CSMD1: variants seen among roughly 807,000 people sequenced by gnomAD.
CSMD1 encodes the protein CUB and sushi domain-containing protein 1.
CSMD1 carries 213 observed loss-of-function variants against 417.5 expected under a neutral mutation model. The ratio of observed to expected loss-of-function variants is 0.51; its 90% CI spans 0.46 to 0.57. The LOEUF (loss-of-function observed/expected upper bound fraction) is 0.57. CSMD1 is among the 20% of genes least tolerant of loss of function. The pLI is 0.00. For synonymous variants in CSMD1, 2,862 were observed against 1,736.8 expected, an observed-to-expected ratio of 1.65 and a Z score of -16.11; for missense variants, 6,923 against 4,529.7, an observed-to-expected ratio of 1.53 and a Z score of -15.17.
chr8:3,904,956 T>C (rs940117979), intron 5 of CSMD1, among the ~76,000 whole-genome samples: 7 of 152,106 alleles, frequency 4.6e-5, no homozygotes, highest in African/African-American at 1.7e-4. Flanking sequence ...GTATTTTCCT[T>C]ATCTGACATT....
intron 3 of CSMD1, among the ~76,000 whole-genome samples, chr8:4,188,242 A>C (rs1212905772): frequency 6.6e-6 from 1 of 152,116 alleles, no homozygotes; most frequent in African/African-American, 2.4e-5. Flanking sequence ...AGGACCCAGA[A>C]AACAGCGCAC....
chr8:4,917,565 C>T (rs572267522), intron 1 of CSMD1, among the ~76,000 whole-genome samples: 23 of 152,078 alleles, frequency 1.5e-4, no homozygotes, highest in Admixed American at 1.2e-3. Flanking sequence ...ACCCAGGAAG[C>T]GGAGGTTGCA....
chr8:4,055,525 TTAA>T (rs1331942113), intron 3 of CSMD1, among the ~76,000 whole-genome samples: 4 of 140,920 alleles, frequency 2.8e-5, no homozygotes, highest in African/African-American at 1.2e-4. Flanking sequence ...CAGCTCAAAT[TTAA>T]TAATGTCAAG....
chr8:3,720,732 A>G (rs112138719), intron 6 of CSMD1, among the ~76,000 whole-genome samples: 1 of 152,054 alleles, frequency 6.6e-6, no homozygotes, highest in Non-Finnish European at 1.5e-5. Flanking sequence ...AAGCCCTGGG[A>G]GATTCATTTT....
intron 5 of CSMD1, among the ~76,000 whole-genome samples, chr8:3,990,031 TGA>T (rs1388123737): frequency 6.6e-6 from 1 of 152,168 alleles, no homozygotes; most frequent in Non-Finnish European, 1.5e-5. Flanking sequence ...GAGGAATAAA[TGA>T]GAGTTAAGCA....
At chr8:3,158,620 T>G (rs1819683959) in intron 38 of CSMD1, among the ~76,000 whole-genome samples, 2 of 151,798 alleles carry the variant, frequency 1.3e-5, no homozygotes, top group South Asian at 4.2e-4. Context: ...TTAAAAAATC[T>G]GTTCCAGTCT....
At chr8:3,789,552 A>C (rs1250652871) in intron 5 of CSMD1, among the ~76,000 whole-genome samples, 1 of 151,326 alleles carries the variant, frequency 6.6e-6, no homozygotes, top group African/African-American at 2.4e-5. Context: ...TCCAAATTAA[A>C]GTAATATATT....
At chr8:3,726,369 A>G (rs1010349914) in intron 6 of CSMD1, among the ~76,000 whole-genome samples, 2 of 152,198 alleles carry the variant, frequency 1.3e-5, no homozygotes, top group African/African-American at 4.8e-5. Context: ...GAACTAATCC[A>G]CCACCATCTT....
intron 28 of CSMD1, among the ~76,000 whole-genome samples, chr8:3,221,254 C>G (rs962665881): frequency 2.0e-5 from 3 of 152,080 alleles, no homozygotes; most frequent in Non-Finnish European, 2.9e-5. Flanking sequence ...CCTGAATATA[C>G]TTATTAAAGG....
chr8:4,194,698 C>G (rs527929126), intron 3 of CSMD1, among the ~76,000 whole-genome samples: 4 of 152,172 alleles, frequency 2.6e-5, no homozygotes, highest in African/African-American at 7.2e-5. Context: ...AACACAAAGC[C>G]ATTTGCCAAA....
At chr8:4,443,903 C>A (rs546644967) in intron 2 of CSMD1, among the ~76,000 whole-genome samples, 268 of 152,260 alleles carry the variant, frequency 1.8e-3, no homozygotes, top group African/African-American at 6.2e-3. Flanking sequence ...ATCACATCTA[C>A]AGGAGTCCTC....
At chr8:4,259,853 C>G (rs1249217379) in intron 3 of CSMD1, among the ~76,000 whole-genome samples, 1 of 152,134 alleles carries the variant, frequency 6.6e-6, no homozygotes, top group African/African-American at 2.4e-5. Flanking sequence ...AATTCATCCA[C>G]CTTAAAATAT....
chr8:3,524,878 A>C (rs1475781618), intron 10 of CSMD1, among the ~76,000 whole-genome samples: 1 of 145,286 alleles, frequency 6.9e-6, no homozygotes, highest in Non-Finnish European at 1.5e-5. Flanking sequence ...TGTATTTAAG[A>C]ACAAATTTTT....
chr8:4,412,409 C>T (rs754041962), intron 3 of CSMD1, among the ~76,000 whole-genome samples: 3 of 152,204 alleles, frequency 2.0e-5, no homozygotes, highest in South Asian at 2.1e-4. Context: ...GCTGGCTCCT[C>T]CTTTGCCTTC....
chr8:4,249,363 A>T (rs1337550731), intron 3 of CSMD1, among the ~76,000 whole-genome samples: 1 of 152,218 alleles, frequency 6.6e-6, no homozygotes, highest in Non-Finnish European at 1.5e-5. Context: ...CAGTCTACGG[A>T]TGTTTCATGT....
intron 1 of CSMD1, among the ~76,000 whole-genome samples, chr8:4,688,072 C>T (rs896967800): frequency 2.6e-5 from 4 of 152,136 alleles, no homozygotes; most frequent in Non-Finnish European, 5.9e-5. Context: ...TCAGTTCACT[C>T]TCTTACCCAG....
intron 25 of CSMD1, among the ~76,000 whole-genome samples, chr8:3,286,267 A>C (rs1225678825): frequency 6.6e-6 from 1 of 152,194 alleles, no homozygotes; most frequent in Non-Finnish European, 1.5e-5. Flanking sequence ...TGCTATTGTG[A>C]ATAGTGCCGC....
intron 3 of CSMD1, among the ~76,000 whole-genome samples, chr8:4,066,227 C>G (rs1161961545): frequency 1.3e-5 from 2 of 152,164 alleles, no homozygotes; most frequent in Non-Finnish European, 2.9e-5. Context: ...GGCAACGCCT[C>G]CTTCCTTCTT....
At chr8:4,692,874 C>G (rs1273445303) in intron 1 of CSMD1, among the ~76,000 whole-genome samples, 2 of 152,196 alleles carry the variant, frequency 1.3e-5, no homozygotes, top group East Asian at 1.9e-4. Context: ...AGACAAGACT[C>G]TATGGTATTC....
Sources: allele counts gnomAD v4.1 joint callset (sites outside exome capture counted in the v4.1 genomes callset), GRCh38; gene constraint gnomAD v4.1.1; transcripts MANE v1.5; gene names NCBI Gene and HGNC (gene_info 2026-07-23, HGNC 2026-07-21).